GLG1: variants seen among roughly 807,000 people sequenced by gnomAD.
The protein encoded by GLG1 is Golgi apparatus protein 1.
A neutral mutation model predicts 160.5 loss-of-function variants in GLG1; 38 were observed. The observed-to-expected ratio is 0.24, with a 90% CI of 0.18 to 0.31. The LOEUF is 0.31. Ranked by LOEUF, GLG1 falls within the 10% of genes least tolerant of loss-of-function variation. The pLI, the probability that GLG1 is intolerant of heterozygous loss-of-function variation, is 1.00. For synonymous variants in GLG1, 644 were observed against 543.4 expected (o/e 1.19, Z -2.57); for missense variants, 1,373 against 1,505.2 (o/e 0.91, Z 1.45).
intron 1 of GLG1, among the ~76,000 whole-genome samples, chr16:74,581,555 C>G (rs988989763): frequency 1.6e-5 from 2 of 127,462 alleles, no homozygotes; most frequent in African/African-American, 5.9e-5. Flanking sequence ...AAAAAAAAGG[C>G]CAGGAGGTGC....
intron 2 of GLG1, among the ~76,000 whole-genome samples, chr16:74,528,319 G>C (rs570017333): frequency 1.7e-4 from 26 of 152,066 alleles, no homozygotes; most frequent in Admixed American, 8.5e-4. Context: ...TTTTTTAAAG[G>C]GGTATTTTTT....
At position 74,451,890 on chromosome 16, in the gene GLG1, C is replaced by T. The variant is rs3851731; in HGVS notation, c.*1277G>A. On this transcript the variant is annotated 3_prime_UTR_variant, in exon 26 of 26. Coordinates refer to ENST00000422840, the MANE Select transcript of GLG1 (RefSeq NM_001145667.2). ...CAAAGGTTGATGAATCGCCAAAATA[C>T]AACATTTAGCCAATGCCTACTAGAG... 193,513 of 596,334 alleles carry T rather than the reference C, an allele frequency of 0.32. 32,729 individuals carry two copies. Among genetic ancestry groups the T allele is most frequent in the African/African-American group, 0.44 (23,865 of 53,688 alleles). The allele number at this position is 596,334 out of a possible 1,614,324, so 36.9% of individuals were successfully genotyped here.
chr16:74,546,016 C>CA (rs1414152310), intron 1 of GLG1, among the ~76,000 whole-genome samples: 1 of 152,138 alleles, frequency 6.6e-6, no homozygotes. Flanking sequence ...ACAGGTAGTA[C>CA]AAAGCAGTAT....
At chr16:74,566,580 C>T (rs2018659689) in intron 1 of GLG1, among the ~76,000 whole-genome samples, 1 of 152,070 alleles carries the variant, frequency 6.6e-6, no homozygotes, top group Admixed American at 6.6e-5. Flanking sequence ...TCCAGACTAC[C>T]GTCTTCATTC....
At chr16:74,522,203 T>C (rs2017186276) in intron 2 of GLG1, among the ~76,000 whole-genome samples, 1 of 152,250 alleles carries the variant, frequency 6.6e-6, no homozygotes, top group African/African-American at 2.4e-5. Context: ...TTTGCTAACC[T>C]TTTACTCATA....
chr16:74,564,367 G>C (rs2018592677), intron 1 of GLG1, among the ~76,000 whole-genome samples: 1 of 152,136 alleles, frequency 6.6e-6, no homozygotes, highest in Non-Finnish European at 1.5e-5. Flanking sequence ...AGTTGGTTTG[G>C]TTCATGCGAA....
chr16:74,537,194 C>T (rs1004524738), intron 1 of GLG1, among the ~76,000 whole-genome samples: 1 of 152,114 alleles, frequency 6.6e-6, no homozygotes, highest in African/African-American at 2.4e-5. Context: ...GAATTTAGCA[C>T]ATCCCCATCC....
At chr16:74,492,864 T>G in intron 7 of GLG1, 93 bp downstream of exon 7, 1 of 609,182 alleles carries the variant, frequency 1.6e-6, no homozygotes, top group Non-Finnish European at 2.5e-6. Flanking sequence ...GAAGCAAATA[T>G]GGGAGGAAAC....
At chr16:74,491,298 A>AGAAATATGTACT in intron 7 of GLG1, 83 bp from the exon 8 acceptor site, 1 of 966,334 alleles carries the variant, frequency 1.0e-6, no homozygotes, top group Non-Finnish European at 1.7e-6. Context: ...AAAAGTACAT[A>AGAAATATGTACT]TTTCTATCTG....
rs777366855 is a variant in GLG1 at position 74,472,276 on chromosome 16, C to G, written c.2115+73G>C. The G allele has an allele frequency of 1.4e-4, 136 of 970,522 alleles. 1 individual carries two copies. The highest frequency in any genetic ancestry group is 3.1e-4 in the Admixed American group (17 of 54,888). The allele number at this position is 970,522 out of a possible 1,614,324, so 60.1% of individuals were successfully genotyped here. ...ATACATGCTGCAGACAGAGGTGAGT[C>G]TGAGATACTCAGGGGAGAGTCCCTG... On this transcript the variant is annotated intron_variant, in intron 14 of 25. Transcript: ENST00000422840.
At chr16:74,551,000 T>C (rs1321682002) in intron 1 of GLG1, among the ~76,000 whole-genome samples, 1 of 152,174 alleles carries the variant, frequency 6.6e-6, no homozygotes, top group Non-Finnish European at 1.5e-5. Flanking sequence ...CCTGGAAATA[T>C]TCATGTTGAA....
At chr16:74,463,625 G>A (rs1396861618) in intron 19 of GLG1, 146 bp from the exon 20 acceptor site, 9 of 736,554 alleles carry the variant, frequency 1.2e-5, no homozygotes, top group Non-Finnish European at 1.8e-5. Flanking sequence ...TGCAACCTCC[G>A]CCTCCCGAGT....
At position 74,463,348 on chromosome 16, in the gene GLG1, G is replaced by C. The variant is rs1489448091; in HGVS notation, c.2791+8C>G. 7.4e-6 allele frequency: 12 copies of C among 1,613,846 alleles called. No individual in the cohort carries two copies. Among genetic ancestry groups the C allele is most frequent in the Non-Finnish European group, 1.0e-5 (12 of 1,179,896 alleles). ...CACGGGGCCAGGAGAGCCAAGCCAAGATCTTACCTGTGTTCTGGGTGATCT... is the reference window on the plus strand; with the variant it reads ...CACGGGGCCAGGAGAGCCAAGCCAACATCTTACCTGTGTTCTGGGTGATCT... On this transcript the variant is annotated splice_region_variant and intron_variant, in intron 20 of 25. Coordinates refer to ENST00000422840, the MANE Select transcript of GLG1 (RefSeq NM_001145667.2).
chr16:74,507,980 C>G (rs1042599721), intron 3 of GLG1, among the ~76,000 whole-genome samples: 1 of 151,638 alleles, frequency 6.6e-6, no homozygotes, highest in Non-Finnish European at 1.5e-5. Context: ...TGCTCGGAAG[C>G]CCCAAGGTAA....
At chr16:74,515,039 G>A (rs981146837) in intron 2 of GLG1, among the ~76,000 whole-genome samples, 2 of 151,884 alleles carry the variant, frequency 1.3e-5, no homozygotes, top group African/African-American at 4.8e-5. Context: ...AAGATCAAAA[G>A]AGACAAAGAA....
intron 4 of GLG1, among the ~76,000 whole-genome samples, chr16:74,498,801 G>A (rs186763284): frequency 4.5e-5 from 6 of 134,214 alleles, no homozygotes; most frequent in Admixed American, 3.4e-4. Context: ...GGAGGCGGAG[G>A]TTGCAGTGAG....
Position 74,561,297 on chromosome 16 carries a change from G to A in GLG1, c.439-29144C>T, listed in dbSNP as rs190688409. 6.6e-5 allele frequency among the ~76,000 whole-genome samples: 10 copies of A among 152,328 alleles called. No individual in the cohort carries two copies. In the East Asian group the frequency reaches 1.5e-3, roughly 24 times the overall value. The stretch of plus-strand genomic sequence containing the variant: ...ACAACCAAATTTTCTTGTCAATTAT[G>A]TCTTTAACCATGATCATTTTGTTTC... On this transcript the variant is annotated intron_variant, in intron 1 of 25. Transcript: ENST00000422840.
chr16:74,476,250 A>G (rs190212561), intron 12 of GLG1, among the ~76,000 whole-genome samples: 35 of 152,332 alleles, frequency 2.3e-4, no homozygotes, highest in Non-Finnish European at 3.4e-4. Flanking sequence ...GCAGCTTTCT[A>G]AAGTTTACTT....
In GLG1 at chr16:74,453,195, C is replaced by T. The variant is rs776268767; in HGVS notation, c.3512G>A (p.Arg1171Gln). 2.3e-5 allele frequency: 37 copies of T among 1,614,026 alleles called. No homozygotes were observed. The East Asian group carries it at 7.1e-4, about 31-fold the overall frequency. Residue 1171 changes from arginine to glutamine, a missense_variant, in exon 26 of 26, where the codon CGA (arginine) becomes CAA (glutamine). By Grantham distance (43) the Arg-to-Gln change is conservative. Transcript: ENST00000422840. ...IGLMCGRITK[R>Q]VTRELKDR is the part of the protein sequence containing the mutation. ...CCTGTCCTTGAGCTCTCGTGTCACT[C>T]GCTTGGTGATCCGTCCACACATCAG...
Sources: allele counts gnomAD v4.1 joint callset (sites outside exome capture counted in the v4.1 genomes callset), GRCh38; gene constraint gnomAD v4.1.1; transcripts MANE v1.5; gene names NCBI Gene and HGNC (gene_info 2026-07-23, HGNC 2026-07-21).